Variants in DLG2 observed in about 807,000 individuals in gnomAD.
DLG2 encodes the protein disks large homolog 2.
DLG2 carries 45 observed loss-of-function variants against 132.5 expected under a neutral mutation model. The observed-to-expected ratio is 0.34, with a 90% CI of 0.27 to 0.44. The LOEUF (loss-of-function observed/expected upper bound fraction) is 0.44. Among genes scored for constraint, DLG2 ranks in the 20% least tolerant of loss-of-function variants. The pLI, the probability that DLG2 is intolerant of heterozygous loss-of-function variation, is 1.00. For synonymous variants in DLG2, 424 were observed against 419.6 expected, an observed-to-expected ratio of 1.01 and a Z score of -0.13; for missense variants, 1,045 against 1,196.9, an observed-to-expected ratio of 0.87 and a Z score of 1.87.
chr11:84,998,291 C>G (rs191169781), intron 6 of DLG2, among the ~76,000 whole-genome samples: 183 of 152,110 alleles, frequency 1.2e-3, no homozygotes, highest in African/African-American at 4.3e-3. Context: ...GCAATTTCCC[C>G]CATCCTGTCC....
chr11:83,998,668 G>T (rs1422191922), intron 11 of DLG2, among the ~76,000 whole-genome samples: 2 of 152,072 alleles, frequency 1.3e-5, no homozygotes, highest in Non-Finnish European at 1.5e-5. Flanking sequence ...CTAACATAAG[G>T]ATCTATGCAG....
intron 6 of DLG2, among the ~76,000 whole-genome samples, chr11:85,002,116 G>A (rs556151203): frequency 7.9e-5 from 12 of 152,178 alleles, no homozygotes; most frequent in African/African-American, 2.6e-4. Flanking sequence ...ATCAATCTTT[G>A]TTTTAATTAT....
intron 3 of DLG2, among the ~76,000 whole-genome samples, chr11:85,387,362 G>T (rs1432843599): frequency 6.6e-6 from 1 of 152,138 alleles, no homozygotes; most frequent in Non-Finnish European, 1.5e-5. Context: ...TAACTTGTAT[G>T]AAAAGCAGGT....
At chr11:84,886,460 C>A (rs1211953549) in intron 6 of DLG2, among the ~76,000 whole-genome samples, 1 of 152,052 alleles carries the variant, frequency 6.6e-6, no homozygotes, top group Non-Finnish European at 1.5e-5. Context: ...ATTCCACATC[C>A]TGTGCCTGCC....
At chr11:83,596,310 A>G (rs920020001) in intron 19 of DLG2, among the ~76,000 whole-genome samples, 8 of 152,128 alleles carry the variant, frequency 5.3e-5, no homozygotes, top group African/African-American at 1.9e-4. Flanking sequence ...TTCCTAGTTA[A>G]TGACATAGCC....
chr11:84,806,982 G>T (rs1421141994), intron 6 of DLG2, among the ~76,000 whole-genome samples: 2 of 152,138 alleles, frequency 1.3e-5, no homozygotes, highest in African/African-American at 4.8e-5. Context: ...TATATAATGT[G>T]ATATTAATAC....
chr11:84,714,533 C>CTCTT lies in DLG2; in HGVS notation c.358-179806_358-179803dup, dbSNP rs139702822. On this transcript the variant is annotated intron_variant, in intron 6 of 27. Transcript: ENST00000376104. ...GGAGCCCACAACCCATTTCCTCTTT[C>CTCTT]TCTTTCTCTTTCTCTTTCTCTCTCT... Among the ~76,000 whole-genome samples, 733 of 108,298 alleles carry CTCTT rather than the reference C, an allele frequency of 6.8e-3. 35 individuals carry two copies. Among genetic ancestry groups the CTCTT allele is most frequent in the African/African-American group, 0.046 (684 of 14,964 alleles). 71.0% of individuals were successfully genotyped at this position (108,298 alleles called of 152,430 possible).
At chr11:83,778,523 T>A (rs774543557) in intron 18 of DLG2, among the ~76,000 whole-genome samples, 5 of 152,166 alleles carry the variant, frequency 3.3e-5, no homozygotes, top group Non-Finnish European at 5.9e-5. Context: ...TTTATGGGGA[T>A]GTTCGGAACT....
intron 7 of DLG2, chr11:84,272,304 T>C (rs192178319): frequency 4.6e-6 from 2 of 438,598 alleles, no homozygotes; most frequent in African/African-American, 2.0e-5. Context: ...ATTCCAACTG[T>C]TGAAAGAAGC....
At chr11:85,121,871 T>C (rs950646695) in intron 5 of DLG2, among the ~76,000 whole-genome samples, 2 of 152,180 alleles carry the variant, frequency 1.3e-5, no homozygotes, top group Non-Finnish European at 2.9e-5. Context: ...TGTATGTATA[T>C]ATGCTAAAAC....
At chr11:84,223,323 G>A (rs1232556058) in intron 8 of DLG2, among the ~76,000 whole-genome samples, 1 of 152,110 alleles carries the variant, frequency 6.6e-6, no homozygotes, top group Admixed American at 6.5e-5. Context: ...GTGTTTTTCT[G>A]CGCATGGGAT....
At chr11:85,558,664 A>G (rs1178399604) in intron 3 of DLG2, among the ~76,000 whole-genome samples, 2 of 151,902 alleles carry the variant, frequency 1.3e-5, no homozygotes, top group African/African-American at 4.8e-5. Context: ...GCTGAAGGCC[A>G]TTATCCTAAG....
intron 5 of DLG2, among the ~76,000 whole-genome samples, chr11:85,129,517 G>A (rs936439916): frequency 6.6e-6 from 1 of 152,070 alleles, no homozygotes; most frequent in Non-Finnish European, 1.5e-5. Context: ...ATCTCATTGT[G>A]GTTTTGATTT....
chr11:83,831,793 T>G (rs531708475), intron 17 of DLG2, among the ~76,000 whole-genome samples: 10 of 152,118 alleles, frequency 6.6e-5, no homozygotes, highest in Middle Eastern at 3.4e-3. Flanking sequence ...ATTAGTAAAA[T>G]TAAAATATAG....
chr11:84,469,959 T>C (rs2099104446), intron 7 of DLG2, among the ~76,000 whole-genome samples: 1 of 151,732 alleles, frequency 6.6e-6, no homozygotes, highest in Non-Finnish European at 1.5e-5. Context: ...GACTATGTAA[T>C]ATAGCCTATT....
At chr11:84,999,700 A>G (rs897688758) in intron 6 of DLG2, among the ~76,000 whole-genome samples, 6 of 152,192 alleles carry the variant, frequency 3.9e-5, no homozygotes, top group Non-Finnish European at 5.9e-5. Context: ...GAGCCTTTAT[A>G]TTATGAAATG....
At chr11:84,335,970 C>A (rs916871707) in intron 7 of DLG2, among the ~76,000 whole-genome samples, 1 of 152,046 alleles carries the variant, frequency 6.6e-6, no homozygotes, top group Non-Finnish European at 1.5e-5. Context: ...GATACTAGCC[C>A]CACCAATATA....
intron 3 of DLG2, among the ~76,000 whole-genome samples, chr11:85,381,506 T>C (rs2085886457): frequency 6.6e-6 from 1 of 152,022 alleles, no homozygotes; most frequent in Non-Finnish European, 1.5e-5. Context: ...CCAGGGTAAT[T>C]AGGCAAGAAA....
intron 9 of DLG2, among the ~76,000 whole-genome samples, chr11:84,149,231 G>A (rs549154243): frequency 4.6e-5 from 7 of 152,026 alleles, no homozygotes; most frequent in South Asian, 2.1e-4. Flanking sequence ...ATTAGGTCCC[G>A]TTTGTCAATT....
Sources: gnomAD v4.1 joint callset for allele counts (sites outside exome capture counted in the v4.1 genomes callset) on GRCh38, gnomAD v4.1.1 for gene constraint, MANE v1.5 for transcripts, NCBI Gene and HGNC (gene_info 2026-07-23, HGNC 2026-07-21) for gene names.